Variants in AFDN observed in about 807,000 individuals in gnomAD.
AFDN encodes the protein afadin, adherens junction formation factor.
Under a neutral mutation model 216.6 loss-of-function variants are expected in AFDN, and 68 were observed. That is an observed-to-expected ratio of 0.31 (90% CI 0.26 to 0.38). The LOEUF (loss-of-function observed/expected upper bound fraction) is 0.38, where lower values mean the gene tolerates loss of function less well. Among genes scored for constraint, AFDN ranks in the 10% least tolerant of loss-of-function variants. AFDN has a pLI of 1.00. For missense variants in AFDN, 2,136 were observed against 2,342.0 expected (o/e 0.91, Z 1.82); for synonymous variants, 868 against 853.7 (o/e 1.02, Z -0.29).
chr6:167,880,281 C>G (rs1785951246), intron 5 of AFDN, 79 bp from the exon 6 acceptor site: 1 of 1,361,846 alleles, frequency 7.3e-7, no homozygotes. Flanking sequence ...ACCTTTTTCT[C>G]AAGTGACTGT....
intron 31 of AFDN, chr6:167,963,175 G>A (rs1451831093): frequency 5.6e-6 from 6 of 1,065,370 alleles, no homozygotes; most frequent in East Asian, 1.0e-4. Context: ...AAATGACAGC[G>A]AATTTTGACA....
rs1795590974 is a variant in AFDN, at chr6:167,948,467, A to G, written c.3820A>G (p.Ile1274Val). ...HMHTDSNHSS[I>V]AIQRVTRSQE... is the part of the protein sequence containing the mutation. ...GCACACAGATAGTAATCATTCCAGT[A>G]TTGCAATTCAGGTTAGAAATCAAAG... The change falls in exon 29 of 34, where the codon ATT (isoleucine) becomes GTT (valine). Residue 1274 changes from isoleucine to valine, a missense_variant. Ile to Val is a conservative substitution (Grantham distance 29). This residue lies in a region of AFDN where 981 missense variants were observed against 966.0 expected (regional missense o/e 1.02). Coordinates refer to ENST00000683244, the MANE Select transcript of AFDN (RefSeq NM_001386888.1). 2.5e-6 allele frequency: 4 copies of G among 1,613,722 alleles called. No individual in the cohort carries two copies. The highest frequency in any genetic ancestry group is 1.3e-5 in the African/African-American group (1 of 75,024).
Position 167,948,459 on chromosome 6 carries a change from A to T in AFDN, c.3812A>T (p.His1271Leu), listed in dbSNP as rs756587742. ...CCACATATGCACACAGATAGTAATC[A>T]TTCCAGTATTGCAATTCAGGTTAGA... ...EKPHMHTDSN[H>L]SSIAIQRVTR... The change falls in exon 29 of 34, where the codon CAT (histidine) becomes CTT (leucine). Residue 1271 changes from histidine to leucine, a missense_variant. By Grantham distance (99) the His-to-Leu change is moderately conservative (BLOSUM62 -3). Coordinates refer to ENST00000683244, the MANE Select transcript of AFDN (RefSeq NM_001386888.1). 1.2e-6 allele frequency: 2 copies of T among 1,614,030 alleles called. No homozygotes were observed. Among genetic ancestry groups the T allele is most frequent in the Non-Finnish European group, 1.7e-6 (2 of 1,179,918 alleles).
chr6:167,945,542 G>C (rs569284666), intron 26 of AFDN, among the ~76,000 whole-genome samples: 27 of 152,286 alleles, frequency 1.8e-4, no homozygotes, highest in African/African-American at 6.0e-4. Context: ...AACTATACTT[G>C]TATACAGCTA....
intron 32 of AFDN, chr6:167,968,828 T>G (rs1797805286): frequency 2.7e-6 from 1 of 373,514 alleles, no homozygotes; most frequent in Non-Finnish European, 5.0e-6. Context: ...AGAGTTGCTG[T>G]GCCAGTCAGA....
chr6:167,952,378 T>A, intron 30 of AFDN, 191 bp downstream of exon 30: 2 of 1,469,392 alleles, frequency 1.4e-6, no homozygotes, highest in South Asian at 3.1e-5. Context: ...AAGGCTAAAT[T>A]TTTTAAGACA....
chr6:167,884,989 C>T (rs563690326), intron 6 of AFDN, among the ~76,000 whole-genome samples: 1 of 152,322 alleles, frequency 6.6e-6, no homozygotes, highest in South Asian at 2.1e-4. Flanking sequence ...CTTGCTGCAG[C>T]TTCTCCATTA....
At chr6:167,884,681 G>C (rs1478416958) in intron 6 of AFDN, among the ~76,000 whole-genome samples, 2 of 151,858 alleles carry the variant, frequency 1.3e-5, no homozygotes, top group African/African-American at 4.9e-5. Flanking sequence ...TTGACATCTA[G>C]GATTTGTTGT....
intron 23 of AFDN, among the ~76,000 whole-genome samples, chr6:167,933,888 T>C (rs1583463142): frequency 6.6e-6 from 1 of 152,112 alleles, no homozygotes; most frequent in South Asian, 2.1e-4. Flanking sequence ...GGCTGTGGGG[T>C]AGCCCAGAGG....
chr6:167,886,640 T>TCCATGGATATGATG, intron 6 of AFDN, among the ~76,000 whole-genome samples: 1 of 152,196 alleles, frequency 6.6e-6, no homozygotes, highest in East Asian at 1.9e-4. Context: ...AATAATTAAG[T>TCCATGGATATGATG]CCATGGATAT....
At chr6:167,954,634 T>C (rs1796320238) in intron 30 of AFDN, 1 of 543,198 alleles carries the variant, frequency 1.8e-6, no homozygotes, top group African/African-American at 2.0e-5. Flanking sequence ...CCTGACACTT[T>C]AGAAGCATGC....
In AFDN at chr6:167,872,281, T is replaced by C. The variant is rs755548771; in HGVS notation, c.482T>C (p.Leu161Pro). The C allele has an allele frequency of 6.2e-7, 1 of 1,613,690 alleles. No individual in the cohort carries two copies. The highest frequency in any genetic ancestry group is 1.1e-5 in the South Asian group (1 of 91,026). ...GTTATCCAGAACTTCAAGAGAACTC[T>C]CTCAAAGAAAGAAAAGAAGGAAAAA... ...EGVIQNFKRT[L>P]SKKEKKEKKK... The change falls in exon 4 of 34, where the codon CTC (leucine) becomes CCC (proline). Residue 161 changes from leucine to proline, a missense_variant. Leu to Pro is a moderately conservative substitution (Grantham distance 98). Around this residue, in one of 8 missense-constraint regions of AFDN, gnomAD observed 817 missense variants for 965.7 expected, o/e 0.85. Transcript: ENST00000683244.
At chr6:167,958,238 G>A (rs1433039387) in intron 30 of AFDN, among the ~76,000 whole-genome samples, 1 of 152,156 alleles carries the variant, frequency 6.6e-6, no homozygotes, top group African/African-American at 2.4e-5. Flanking sequence ...CTTGGGTCCT[G>A]TTTCCAGGAA....
intron 6 of AFDN, among the ~76,000 whole-genome samples, chr6:167,886,361 A>G (rs2128318003): frequency 6.6e-6 from 1 of 152,340 alleles, no homozygotes. Flanking sequence ...GAATTCATAG[A>G]TAAACAGTGT....
At chr6:167,907,046 C>T (rs1583357788) in intron 12 of AFDN, 125 bp from the exon 13 acceptor site, 2 of 674,188 alleles carry the variant, frequency 3.0e-6, no homozygotes, top group Admixed American at 2.4e-5. Flanking sequence ...TTTGTTATTT[C>T]CTGGTCTGTG....
At chr6:167,826,752 G>C (rs1329438093), upstream of AFDN, 12 of 367,846 alleles carry the variant, frequency 3.3e-5, no homozygotes, top group Admixed American at 7.2e-5. Context: ...CCCGCCCTCC[G>C]ACACCTCCCT....
intron 6 of AFDN, among the ~76,000 whole-genome samples, chr6:167,887,013 A>AT (rs1491558125): frequency 7.6e-3 from 34 of 4,484 alleles, no homozygotes; most frequent in African/African-American, 0.013. Context: ...AGACTGTATC[A>AT]AAAAAAAAAA....
intron 21 of AFDN, among the ~76,000 whole-genome samples, chr6:167,921,943 C>G (rs2128498342): frequency 6.6e-6 from 1 of 152,290 alleles, no homozygotes; most frequent in African/African-American, 2.4e-5. Flanking sequence ...TGTTGAACCA[C>G]TGGAATGGGT....
chr6:167,864,156 G>A (rs1287958668), intron 1 of AFDN, among the ~76,000 whole-genome samples: 3 of 152,074 alleles, frequency 2.0e-5, no homozygotes, highest in Non-Finnish European at 2.9e-5. Flanking sequence ...ATACCAGCTC[G>A]AGCACCGAAC....
Sources: gnomAD v4.1 joint callset for allele counts (sites outside exome capture counted in the v4.1 genomes callset) on GRCh38, gnomAD v4.1.1 for gene constraint, gnomAD v4.1.1 regional missense constraint, MANE v1.5 for transcripts, NCBI Gene and HGNC (gene_info 2026-07-23, HGNC 2026-07-21) for gene names.